The following ETV1 variants were observed in gnomAD, a reference collection of about 807,000 sequenced individuals.
The protein encoded by ETV1 is ETS translocation variant 1.
In ETV1, 27 loss-of-function variants were observed where a neutral mutation model predicts 62.3. The ratio of observed to expected loss-of-function variants is 0.43; its 90% CI spans 0.32 to 0.60. The LOEUF (loss-of-function observed/expected upper bound fraction) is 0.60, where lower values mean the gene tolerates loss of function less well. Among genes scored for constraint, ETV1 ranks in the 20% least tolerant of loss-of-function variants. ETV1 has a pLI of 0.06. For synonymous variants in ETV1, 222 were observed against 199.6 expected (o/e 1.11, Z -0.94); for missense variants, 605 against 605.8 (o/e 1.00, Z 0.01).
chr7:13,965,168 C>T (rs1790639315), intron 6 of ETV1, among the ~76,000 whole-genome samples: 1 of 152,146 alleles, frequency 6.6e-6, no homozygotes, highest in Non-Finnish European at 1.5e-5. Flanking sequence ...CGCATAAATA[C>T]ACAGTGTTAT....
At chr7:13,969,825 G>A (rs374772722) in intron 6 of ETV1, among the ~76,000 whole-genome samples, 9 of 152,294 alleles carry the variant, frequency 5.9e-5, no homozygotes, top group Middle Eastern at 6.8e-3. Context: ...AGAAGTTGCA[G>A]TACAAGCATA....
chr7:13,936,939 G>T lies in ETV1; in HGVS notation c.366-1043C>A, dbSNP rs193029790. ...TGTCTGTAGGCTCAGATATTCACGA[G>T]ACTGAGGTGAGAGGATCGCTTGAAC... is the stretch of plus-strand genomic sequence containing the variant. On this transcript the variant is annotated intron_variant, in intron 7 of 13. Coordinates refer to ENST00000430479, the MANE Select transcript of ETV1 (RefSeq NM_004956.5). Among the ~76,000 whole-genome samples the T allele has an allele frequency of 5.2e-3, 799 of 152,192 alleles. 14 individuals are homozygous for T. Among genetic ancestry groups the T allele is most frequent in the Admixed American group, 0.014 (207 of 15,288 alleles).
chr7:13,937,562 T>C, intron 7 of ETV1, among the ~76,000 whole-genome samples: 1 of 152,194 alleles, frequency 6.6e-6, no homozygotes, highest in Middle Eastern at 3.2e-3. Context: ...AAAACAGTGA[T>C]GATTTCACAG....
chr7:13,978,713 T>A (rs1006499414), intron 5 of ETV1, among the ~76,000 whole-genome samples: 6 of 151,976 alleles, frequency 3.9e-5, no homozygotes, highest in Admixed American at 1.3e-4. Flanking sequence ...TTCTACATTT[T>A]AAAAAAATTT....
At chr7:13,929,249 C>G (rs993041463) in intron 9 of ETV1, among the ~76,000 whole-genome samples, 1 of 152,166 alleles carries the variant, frequency 6.6e-6, no homozygotes, top group Admixed American at 6.5e-5. Context: ...AGGTTCTAAA[C>G]TGAAACCACA....
At chr7:13,965,512 C>T (rs1323654247) in intron 6 of ETV1, among the ~76,000 whole-genome samples, 1 of 151,922 alleles carries the variant, frequency 6.6e-6, no homozygotes, top group African/African-American at 2.4e-5. Flanking sequence ...TGAGTATTGG[C>T]TATCAGGGAG....
At chr7:13,956,190 T>C (rs976338640) in intron 6 of ETV1, among the ~76,000 whole-genome samples, 4 of 152,210 alleles carry the variant, frequency 2.6e-5, no homozygotes, top group Admixed American at 2.6e-4. Context: ...TTACATACAC[T>C]TGTAACCTAA....
chr7:13,965,359 G>C (rs1302458039), intron 6 of ETV1, among the ~76,000 whole-genome samples: 1 of 152,084 alleles, frequency 6.6e-6, no homozygotes, highest in Non-Finnish European at 1.5e-5. Flanking sequence ...AACCTCTATT[G>C]GAAGGTGCTC....
chr7:13,934,044 C>G (rs558254694), intron 8 of ETV1, among the ~76,000 whole-genome samples: 1 of 152,284 alleles, frequency 6.6e-6, no homozygotes, highest in African/African-American at 2.4e-5. Context: ...TCAGAAGTCA[C>G]CAGTAGTGGA....
At chr7:13,965,106 A>G (rs1790631052) in intron 6 of ETV1, among the ~76,000 whole-genome samples, 1 of 152,184 alleles carries the variant, frequency 6.6e-6, no homozygotes, top group African/African-American at 2.4e-5. Flanking sequence ...CTCCAGTGAG[A>G]AAAATACACC....
intron 6 of ETV1, among the ~76,000 whole-genome samples, chr7:13,943,533 A>G (rs1787801254): frequency 6.6e-6 from 1 of 152,214 alleles, no homozygotes; most frequent in Non-Finnish European, 1.5e-5. Context: ...CCAAGAAAAA[A>G]GGGTGCATAT....
rs1782866916 is a variant in ETV1, at chr7:13,989,583, A to C, written c.-305T>G. On this transcript the variant is annotated 5_prime_UTR_variant, in exon 1 of 14. Coordinates refer to ENST00000430479, the MANE Select transcript of ETV1 (RefSeq NM_004956.5). ...CCCACCTGAAGGCCACGCTAGGCGA[A>C]AGGCTGCAAAAACTTCCCTCCAAAT... is the stretch of plus-strand genomic sequence containing the variant. The C allele has an allele frequency of 7.5e-6, 3 of 399,136 alleles. No homozygotes were observed. The highest frequency in any genetic ancestry group is 1.3e-5 in the Non-Finnish European group (3 of 226,158). 24.7% of individuals were successfully genotyped at this position (399,136 alleles called of 1,614,324 possible).
At chr7:13,981,546 C>CAT (rs1781996220) in intron 5 of ETV1, among the ~76,000 whole-genome samples, 1 of 113,176 alleles carries the variant, frequency 8.8e-6, no homozygotes, top group Non-Finnish European at 1.9e-5. Context: ...TATATATATA[C>CAT]ACACACACAA....
intron 6 of ETV1, among the ~76,000 whole-genome samples, chr7:13,943,117 T>C (rs1488653709): frequency 6.6e-6 from 1 of 152,038 alleles, no homozygotes; most frequent in Non-Finnish European, 1.5e-5. Flanking sequence ...AATTGCAAAA[T>C]ATCAGTAAGA....
intron 12 of ETV1, among the ~76,000 whole-genome samples, chr7:13,902,882 G>A (rs1022146417): frequency 1.4e-4 from 22 of 152,084 alleles, no homozygotes; most frequent in Non-Finnish European, 2.5e-4. Flanking sequence ...CAGCATCATG[G>A]GTATTAGTGG....
chr7:13,943,304 T>C (rs1379248205), intron 6 of ETV1, among the ~76,000 whole-genome samples: 5 of 152,196 alleles, frequency 3.3e-5, no homozygotes, highest in Non-Finnish European at 7.3e-5. Context: ...ATTATCACTA[T>C]ATAGCTGTAT....
At chr7:13,928,599 C>T (rs35935132) in intron 9 of ETV1, among the ~76,000 whole-genome samples, 1,846 of 151,688 alleles carry the variant, frequency 0.012, 21 homozygotes, top group Non-Finnish European at 0.019. Context: ...GGCAACAGAG[C>T]GAGACTCCAT....
At chr7:13,988,564 CA>C (rs11364123) in intron 3 of ETV1, 143,491 of 385,318 alleles carry the variant, frequency 0.37, 27,923 homozygotes, top group African/African-American at 0.59. Context: ...CCCACCCCCA[CA>C]AAAAAAAAAA....
upstream of ETV1, chr7:13,989,950 A>C (rs577731593): frequency 4.8e-6 from 1 of 206,792 alleles, no homozygotes; most frequent in African/African-American, 2.3e-5. Context: ...GGGATACTGA[A>C]ACCGTGTGTT....
Sources: gnomAD v4.1 joint callset for allele counts (sites outside exome capture counted in the v4.1 genomes callset) on GRCh38, gnomAD v4.1.1 for gene constraint, MANE v1.5 for transcripts, NCBI Gene and HGNC (gene_info 2026-07-23, HGNC 2026-07-21) for gene names.